DENND1A: variants seen among roughly 807,000 people sequenced by gnomAD.
The protein encoded by DENND1A is DENN domain-containing protein 1A.
A neutral mutation model predicts 113.7 loss-of-function variants in DENND1A; 51 were observed. The observed-to-expected ratio is 0.45, with a 90% CI of 0.36 to 0.57. DENND1A has a LOEUF of 0.57. Among genes scored for constraint, DENND1A ranks in the 20% least tolerant of loss-of-function variants. DENND1A has a pLI of 0.00. For missense variants in DENND1A, 1,258 were observed against 1,395.9 expected (o/e 0.90, Z 1.57); for synonymous variants, 565 against 570.8 (o/e 0.99, Z 0.14).
intron 5 of DENND1A, among the ~76,000 whole-genome samples, chr9:123,728,510 A>AAAAAAAAAAAAAAAAAAAAAAAAAAG (rs2067917014): frequency 6.8e-6 from 1 of 148,074 alleles, no homozygotes; most frequent in Admixed American, 6.7e-5. Context: ...AAAAAAAAAA[A>AAAAAAAAAAAAAAAAAAAAAAAAAAG]CAGGCATCAG....
chr9:123,593,036 A>G (rs368946129), intron 11 of DENND1A, among the ~76,000 whole-genome samples: 10 of 152,322 alleles, frequency 6.6e-5, no homozygotes, highest in African/African-American at 2.2e-4. Flanking sequence ...TTGAGATTCT[A>G]TTTCACTGTT....
At chr9:123,628,967 G>A (rs2061360775) in intron 10 of DENND1A, among the ~76,000 whole-genome samples, 1 of 152,132 alleles carries the variant, frequency 6.6e-6, no homozygotes, top group South Asian at 2.1e-4. Context: ...CATGAGAGAG[G>A]GCCACTGATT....
chr9:123,508,700 A>C (rs567288237), intron 13 of DENND1A, among the ~76,000 whole-genome samples: 1 of 152,364 alleles, frequency 6.6e-6, no homozygotes, highest in South Asian at 2.1e-4. Context: ...ATATCAAGGA[A>C]GTGTCAAAGG....
chr9:123,833,249 T>G (rs1840555142), intron 2 of DENND1A, among the ~76,000 whole-genome samples: 1 of 152,100 alleles, frequency 6.6e-6, no homozygotes, highest in Non-Finnish European at 1.5e-5. Context: ...CTTACTAATG[T>G]TCTATGTCTT....
At chr9:123,419,657 T>C (rs1053238444) in intron 19 of DENND1A, among the ~76,000 whole-genome samples, 2 of 152,234 alleles carry the variant, frequency 1.3e-5, no homozygotes, top group African/African-American at 4.8e-5. Flanking sequence ...CCTCTACACT[T>C]TGGGACTGGA....
chr9:123,929,252 A>G (rs978273046), intron 1 of DENND1A, among the ~76,000 whole-genome samples: 5 of 152,232 alleles, frequency 3.3e-5, no homozygotes, highest in African/African-American at 4.8e-5. Flanking sequence ...ATTGAGTTAC[A>G]AAGCCTTTCC....
At chr9:123,513,116 C>A (rs1435537794) in intron 13 of DENND1A, among the ~76,000 whole-genome samples, 1 of 152,220 alleles carries the variant, frequency 6.6e-6, no homozygotes, top group African/African-American at 2.4e-5. Flanking sequence ...CCTGTTGGCC[C>A]TTCTTCTCCG....
chr9:123,391,761 G>A (rs375302911), intron 21 of DENND1A, among the ~76,000 whole-genome samples: 150 of 110,314 alleles, frequency 1.4e-3, no homozygotes, highest in Non-Finnish European at 1.4e-3. Context: ...GGCAGAATAT[G>A]AAAAAAAAAA....
chr9:123,826,903 G>A (rs1359393238), intron 2 of DENND1A, among the ~76,000 whole-genome samples: 1 of 152,168 alleles, frequency 6.6e-6, no homozygotes, highest in Non-Finnish European at 1.5e-5. Context: ...TACAAAGTAT[G>A]ACTCTAGAAA....
At chr9:123,845,377 A>C (rs1842439948) in intron 2 of DENND1A, among the ~76,000 whole-genome samples, 1 of 152,086 alleles carries the variant, frequency 6.6e-6, no homozygotes, top group Non-Finnish European at 1.5e-5. Flanking sequence ...CTTGATTTGG[A>C]TTGTAGGCTG....
At chr9:123,440,514 C>T (rs1266548373) in intron 18 of DENND1A, 23 bp from the exon 19 acceptor site, 22 of 1,533,758 alleles carry the variant, frequency 1.4e-5, no homozygotes, top group South Asian at 5.0e-5. Flanking sequence ...GGATAGTCAG[C>T]GGTTGGCACT....
intron 13 of DENND1A, among the ~76,000 whole-genome samples, chr9:123,503,354 C>T (rs1431654320): frequency 1.3e-5 from 2 of 152,170 alleles, no homozygotes; most frequent in Admixed American, 6.5e-5. Context: ...GTACTTCGCA[C>T]AGCCCCTGGC....
At chr9:123,559,858 C>T (rs2057637037) in intron 12 of DENND1A, among the ~76,000 whole-genome samples, 2 of 152,188 alleles carry the variant, frequency 1.3e-5, no homozygotes, top group Non-Finnish European at 2.9e-5. Context: ...CCACACCAGA[C>T]CCAAGCAACC....
At chr9:123,756,470 T>C (rs932417389) in intron 5 of DENND1A, among the ~76,000 whole-genome samples, 1 of 152,206 alleles carries the variant, frequency 6.6e-6, no homozygotes, top group Non-Finnish European at 1.5e-5. Context: ...CCTGGGCTAC[T>C]AAGGCGTGCT....
intron 13 of DENND1A, among the ~76,000 whole-genome samples, chr9:123,463,386 C>G (rs2048689799): frequency 6.6e-6 from 1 of 152,132 alleles, no homozygotes; most frequent in Non-Finnish European, 1.5e-5. Context: ...TTTGATACTT[C>G]CAGAAATAAA....
intron 1 of DENND1A, among the ~76,000 whole-genome samples, chr9:123,888,956 CTGTGTGTGTGTGTGTGTGTGTG>C (rs58270598): frequency 2.1e-4 from 27 of 131,102 alleles, no homozygotes; most frequent in South Asian, 5.4e-4. Flanking sequence ...GTGCTTTAAA[CTGTGTGTGTGTGTGTGTGTGTG>C]TGTGTGTGTG....
chr9:123,784,544 A>G (rs146352559), intron 3 of DENND1A, among the ~76,000 whole-genome samples: 1 of 152,310 alleles, frequency 6.6e-6, no homozygotes, highest in Non-Finnish European at 1.5e-5. Flanking sequence ...GCCTCTCTCA[A>G]AAGCAGACTT....
intron 2 of DENND1A, chr9:123,843,336 A>G (rs760005079): frequency 2.7e-6 from 1 of 372,070 alleles, no homozygotes; most frequent in Non-Finnish European, 5.3e-6. Context: ...TTTGTTCTAT[A>G]TGGAGCTAAA....
At chr9:123,875,228 CAA>C (rs1053131821) in intron 2 of DENND1A, among the ~76,000 whole-genome samples, 1 of 151,926 alleles carries the variant, frequency 6.6e-6, no homozygotes, top group African/African-American at 2.4e-5. Context: ...TGAAGAAAAA[CAA>C]AGAGATGATT....
Sources: gnomAD v4.1 joint callset for allele counts (sites outside exome capture counted in the v4.1 genomes callset) on GRCh38, gnomAD v4.1.1 for gene constraint, MANE v1.5 for transcripts, NCBI Gene and HGNC (gene_info 2026-07-23, HGNC 2026-07-21) for gene names.